MIOS: variants seen among roughly 807,000 people sequenced by gnomAD.
MIOS encodes the protein meiosis regulator for oocyte development, also known as GATOR2 complex protein MIOS.
MIOS carries 52 observed loss-of-function variants against 96.9 expected under a neutral mutation model. The observed-to-expected ratio is 0.54, with a 90% CI of 0.43 to 0.68. The LOEUF is 0.68. MIOS is among the 30% of genes least tolerant of loss of function. The pLI, the probability that MIOS is intolerant of heterozygous loss-of-function variation, is 0.00. For missense variants in MIOS, 1,005 were observed against 1,052.8 expected, an observed-to-expected ratio of 0.95 and a Z score of 0.63; for synonymous variants, 397 against 359.5, an observed-to-expected ratio of 1.10 and a Z score of -1.18.
At chr7:7,590,286 C>G (rs921321806) in intron 9 of MIOS, among the ~76,000 whole-genome samples, 1 of 152,106 alleles carries the variant, frequency 6.6e-6, no homozygotes, top group Non-Finnish European at 1.5e-5. Flanking sequence ...AGACACTAGC[C>G]CACAGACCAC....
In MIOS at chr7:7,573,575, T is replaced by C; in HGVS notation, c.1100T>C (p.Met367Thr). ...SLAWSPITSL[M>T]WACGRHLYEC... ...GCCTGGAGCCCAATTACATCTTTAA[T>C]GTGGGCTTGTGGTCGTCATTTATAT... Residue 367 changes from methionine (M) to threonine (T), a missense_variant, in exon 4 of 13, where the codon ATG (methionine) becomes ACG (threonine). Met to Thr is a moderately conservative substitution (Grantham distance 81). Around this residue, in one of 3 missense-constraint regions of MIOS, gnomAD observed 865 missense variants for 887.9 expected, o/e 0.97. Transcript: ENST00000340080. This position sits in a 1 kb window ranked among gnomAD's most constrained non-coding sequence, Gnocchi z 5.0. 1 of 1,614,110 alleles carries C rather than the reference T, an allele frequency of 6.2e-7. No individual in the cohort carries two copies. The highest frequency in any genetic ancestry group is 8.5e-7 in the Non-Finnish European group (1 of 1,179,946).
Position 7,608,380 on chromosome 7 carries a change from T to G in MIOS, c.*1288T>G, listed in dbSNP as rs537316850. ...ATTAGCAGTTTTGCCTTATAAAAACTAAGATTTGTCAGATTAGTTTGAGGT... is the reference window on the plus strand; with the variant it reads ...ATTAGCAGTTTTGCCTTATAAAAACGAAGATTTGTCAGATTAGTTTGAGGT... On this transcript the variant is annotated 3_prime_UTR_variant, in exon 13 of 13. Coordinates refer to ENST00000340080, the MANE Select transcript of MIOS (RefSeq NM_019005.4). 13 of 152,182 alleles carry G rather than the reference T, an allele frequency of 8.5e-5. No homozygotes were observed. The East Asian group carries it at 2.3e-3, about 27-fold the overall frequency. 9.4% of individuals were successfully genotyped at this position (152,182 alleles called of 1,614,324 possible).
chr7:7,581,493 G>A (rs560012205), intron 5 of MIOS, among the ~76,000 whole-genome samples: 6 of 152,164 alleles, frequency 3.9e-5, no homozygotes, highest in South Asian at 4.1e-4. Flanking sequence ...AGGAGTCTGG[G>A]CACACCTTAG....
At chr7:7,570,401 C>G (rs1783309768) in intron 3 of MIOS, among the ~76,000 whole-genome samples, 1 of 151,840 alleles carries the variant, frequency 6.6e-6, no homozygotes, top group Admixed American at 6.6e-5. Flanking sequence ...ATAAGAATTC[C>G]TAAATCAGTG....
intron 9 of MIOS, among the ~76,000 whole-genome samples, chr7:7,593,255 T>C (rs1784100667): frequency 6.6e-6 from 1 of 152,228 alleles, no homozygotes; most frequent in African/African-American, 2.4e-5. Flanking sequence ...CTCTACTTTT[T>C]TAAGAAATGA....
At chr7:7,575,639 C>G (rs1783505580) in intron 5 of MIOS, among the ~76,000 whole-genome samples, 1 of 152,118 alleles carries the variant, frequency 6.6e-6, no homozygotes, top group Non-Finnish European at 1.5e-5. Flanking sequence ...GATCAGGCCA[C>G]ACTGCACTCA....
intron 11 of MIOS, among the ~76,000 whole-genome samples, chr7:7,603,171 T>C (rs1464959286): frequency 2.0e-5 from 3 of 152,094 alleles, no homozygotes; most frequent in African/African-American, 7.2e-5. Context: ...ACTTCATGTC[T>C]AAAACACCAA....
chr7:7,590,240 C>T (rs1417711721), intron 9 of MIOS, among the ~76,000 whole-genome samples: 2 of 152,086 alleles, frequency 1.3e-5, no homozygotes, highest in South Asian at 2.1e-4. Flanking sequence ...CAGGAAAATG[C>T]CCCCTCTCCC....
intron 3 of MIOS, among the ~76,000 whole-genome samples, chr7:7,568,540 C>G (rs933939621): frequency 6.6e-6 from 1 of 152,254 alleles, no homozygotes; most frequent in African/African-American, 2.4e-5. Flanking sequence ...TACAGGGCTA[C>G]TCTTATGATG....
chr7:7,591,386 C>A lies in MIOS; in HGVS notation c.2043+1823C>A, dbSNP rs1410419262. 4.7e-5 allele frequency among the ~76,000 whole-genome samples: 7 copies of A among 149,580 alleles called. No individual in the cohort carries two copies. The Admixed American group carries it at 4.7e-4, about 10-fold the overall frequency. ...ATTGCAGCCTCCAGGCTCAAGCAAT[C>A]CTCCCACCTCAGCCTCCCAAGGAAC... On this transcript the variant is annotated intron_variant, in intron 9 of 12. Transcript: ENST00000340080.
At chr7:7,597,517 T>TATATATATATATATATATATATAAAAAA (rs372634070) in intron 11 of MIOS, among the ~76,000 whole-genome samples, 3 of 70,444 alleles carry the variant, frequency 4.3e-5, no homozygotes, top group Non-Finnish European at 8.2e-5. Context: ...TATATATATA[T>TATATATATATATATATATATATAAAAAA]GAAGGCAATA....
intron 5 of MIOS, among the ~76,000 whole-genome samples, 175 bp downstream of exon 5, chr7:7,574,371 T>C (rs992270120): frequency 3.3e-5 from 5 of 152,194 alleles, no homozygotes; most frequent in African/African-American, 9.6e-5. Flanking sequence ...CTTGTATTTA[T>C]ATCCAAAACC....
chr7:7,597,796 C>T (rs931099982), intron 11 of MIOS, among the ~76,000 whole-genome samples: 2 of 151,644 alleles, frequency 1.3e-5, no homozygotes, highest in Non-Finnish European at 2.9e-5. Context: ...CCTACTGCCT[C>T]CTGCCTCCTG....
At chr7:7,600,572 C>T in intron 11 of MIOS, among the ~76,000 whole-genome samples, 1 of 152,116 alleles carries the variant, frequency 6.6e-6, no homozygotes, top group African/African-American at 2.4e-5. Flanking sequence ...TAAAGCAAGT[C>T]CTTAGTGACC....
intron 5 of MIOS, among the ~76,000 whole-genome samples, chr7:7,574,592 T>C (rs1783466537): frequency 6.6e-6 from 1 of 152,138 alleles, no homozygotes; most frequent in South Asian, 2.1e-4. Context: ...CCCTTTTTAT[T>C]TTGCTCCTCA....
Position 7,577,685 on chromosome 7 carries a change from A to C in MIOS, c.1393+3489A>C, listed in dbSNP as rs558865202. 3.9e-5 allele frequency among the ~76,000 whole-genome samples: 6 copies of C among 152,252 alleles called. No homozygotes were observed. In the South Asian group the frequency reaches 1.2e-3, roughly 32 times the overall value. ...AAGGGTGCACACCTCCACATTTGCC[A>C]GAGGAAAGGGGGAAAGGATGCTGTA... is the stretch of plus-strand genomic sequence containing the variant. On this transcript the variant is annotated intron_variant, in intron 5 of 12. Transcript: ENST00000340080.
intron 5 of MIOS, chr7:7,582,520 A>G (rs1267767724): frequency 2.6e-6 from 1 of 390,118 alleles, no homozygotes; most frequent in Non-Finnish European, 3.5e-6. Context: ...TTTCTGATTT[A>G]GTAAGGGGAA....
intron 8 of MIOS, 28 bp downstream of exon 8, chr7:7,588,591 A>C: frequency 6.8e-7 from 1 of 1,470,832 alleles, no homozygotes; most frequent in Non-Finnish European, 9.3e-7. Flanking sequence ...TCCACATTTG[A>C]AGTAATTAAT....
At chr7:7,576,419 A>G (rs1783535846) in intron 5 of MIOS, among the ~76,000 whole-genome samples, 1 of 152,170 alleles carries the variant, frequency 6.6e-6, no homozygotes, top group Non-Finnish European at 1.5e-5. Flanking sequence ...AAGAACAGAC[A>G]GTTAATTACA....
Sources: gnomAD v4.1 joint callset for allele counts (sites outside exome capture counted in the v4.1 genomes callset) on GRCh38, gnomAD v4.1.1 for gene constraint, gnomAD v4.1.1 regional missense constraint, Gnocchi (gnomAD v3.1) non-coding constraint, MANE v1.5 for transcripts, NCBI Gene and HGNC (gene_info 2026-07-23, HGNC 2026-07-21) for gene names.